Variants in EEPD1 observed in about 807,000 individuals in gnomAD.
EEPD1 encodes the protein endonuclease/exonuclease/phosphatase family domain-containing protein 1.
Under a neutral mutation model 46.3 loss-of-function variants are expected in EEPD1, and 17 were observed. The observed-to-expected ratio is 0.37, with a 90% confidence interval of 0.25 to 0.55. The LOEUF (loss-of-function observed/expected upper bound fraction) is 0.55. Among genes scored for constraint, EEPD1 ranks in the 20% least tolerant of loss-of-function variants. EEPD1 has a pLI of 0.83. For synonymous variants in EEPD1, 313 were observed against 315.6 expected (o/e 0.99, Z 0.09); for missense variants, 673 against 745.6 (o/e 0.90, Z 1.13).
At chr7:36,237,964 A>G (rs1237050907) in intron 2 of EEPD1, among the ~76,000 whole-genome samples, 3 of 152,136 alleles carry the variant, frequency 2.0e-5, no homozygotes, top group Admixed American at 1.3e-4. Flanking sequence ...AAGAAAAAAG[A>G]ATGGCTAGGT....
intron 3 of EEPD1, among the ~76,000 whole-genome samples, chr7:36,272,990 C>T (rs536719145): frequency 2.4e-4 from 37 of 152,306 alleles, no homozygotes; most frequent in Middle Eastern, 3.4e-3. Context: ...GAAAGTTGAC[C>T]GATGTACTGA....
At position 36,271,798 on chromosome 7, in the gene EEPD1, C is replaced by CCTATTCTATTCTATT. The variant is rs60205065; in HGVS notation, c.931-9246_931-9232dup. Among the ~76,000 whole-genome samples the CCTATTCTATTCTATT allele has an allele frequency of 1.6e-3, 210 of 132,422 alleles. 4 individuals carry two copies. The highest frequency in any genetic ancestry group is 3.9e-3 in the African/African-American group (129 of 32,880). The allele number at this position is 132,422 out of a possible 152,430, so 86.9% of individuals were successfully genotyped here. A position where few individuals can be genotyped will look rare whatever the true frequency, so the allele number is the denominator to read the frequency against. On this transcript the variant is annotated intron_variant, in intron 3 of 7. Transcript: ENST00000242108. Reference sequence around the variant, plus strand: ...TATAAGCTGTAAGGAACATAAGCCTCCTATTCTATTCTATTCTATTCTATT... The same window carrying CCTATTCTATTCTATT: ...TATAAGCTGTAAGGAACATAAGCCTCCTATTCTATTCTATTCTATTCTATTCTATTCTATTCTATT...
chr7:36,286,446 C>T (rs563469874), intron 5 of EEPD1, among the ~76,000 whole-genome samples: 5 of 152,210 alleles, frequency 3.3e-5, no homozygotes, highest in Non-Finnish European at 7.3e-5. Context: ...CCCCTATACC[C>T]CTTCCCTTCC....
In EEPD1 at chr7:36,270,918, C is replaced by G. The variant is rs1204115295; in HGVS notation, c.931-10197C>G. Among the ~76,000 whole-genome samples, 3 of 152,186 alleles carry G rather than the reference C, an allele frequency of 2.0e-5. No individual in the cohort carries two copies. In the South Asian group the frequency reaches 6.2e-4, roughly 32 times the overall value. On this transcript the variant is annotated intron_variant, in intron 3 of 7. Transcript: ENST00000242108. The stretch of plus-strand genomic sequence containing the variant: ...ATGGTTGAACTAATTTACACTCCCA[C>G]CAAGTGTAAAAGCGTTCCTATTTCT...
intron 2 of EEPD1, among the ~76,000 whole-genome samples, chr7:36,210,853 A>G (rs1181255553): frequency 6.6e-6 from 1 of 151,982 alleles, no homozygotes; most frequent in East Asian, 1.9e-4. Flanking sequence ...TGTTCCTGTC[A>G]TTTCTTCTCC....
At chr7:36,163,518 C>T (rs1214795482) in intron 2 of EEPD1, among the ~76,000 whole-genome samples, 2 of 152,064 alleles carry the variant, frequency 1.3e-5, no homozygotes, top group Non-Finnish European at 2.9e-5. Context: ...TTACTGCTTT[C>T]AGAGGGTGGA....
chr7:36,197,468 G>C (rs1785625510), intron 2 of EEPD1, among the ~76,000 whole-genome samples: 1 of 152,246 alleles, frequency 6.6e-6, no homozygotes, highest in South Asian at 2.1e-4. Flanking sequence ...TTGTGGAATA[G>C]AAAAGGGGGC....
intron 2 of EEPD1, among the ~76,000 whole-genome samples, chr7:36,161,682 GA>G (rs1253220499): frequency 6.6e-6 from 1 of 152,102 alleles, no homozygotes; most frequent in Admixed American, 6.5e-5. Context: ...TTATAAGCAG[GA>G]AGGTGTGTGT....
At chr7:36,160,676 T>TGGGGGGGG (rs150571892) in intron 2 of EEPD1, among the ~76,000 whole-genome samples, 3 of 36,456 alleles carry the variant, frequency 8.2e-5, no homozygotes, top group Non-Finnish European at 1.3e-4. Context: ...TGGGAGGTGG[T>TGGGGGGGG]GGGGGGCGGG....
intron 3 of EEPD1, 82 bp downstream of exon 3, chr7:36,239,118 A>G: frequency 2.2e-6 from 3 of 1,339,886 alleles, no homozygotes; most frequent in Non-Finnish European, 2.1e-6. Flanking sequence ...CCCTGTCACC[A>G]GAGACAGCCC....
chr7:36,192,974 G>A (rs972858730), intron 2 of EEPD1, among the ~76,000 whole-genome samples: 1 of 152,238 alleles, frequency 6.6e-6, no homozygotes, highest in Non-Finnish European at 1.5e-5. Context: ...CCTGGGTGGG[G>A]CTTGGTCACT....
chr7:36,203,434 C>T (rs959568832), intron 2 of EEPD1, among the ~76,000 whole-genome samples: 1 of 152,196 alleles, frequency 6.6e-6, no homozygotes, highest in African/African-American at 2.4e-5. Flanking sequence ...AAATTAACAC[C>T]TGCCCGGTTT....
chr7:36,222,146 A>G (rs1187684560), intron 2 of EEPD1, among the ~76,000 whole-genome samples: 1 of 152,144 alleles, frequency 6.6e-6, no homozygotes, highest in Admixed American at 6.5e-5. Flanking sequence ...CCAAAACATA[A>G]GTACTACCAG....
intron 2 of EEPD1, among the ~76,000 whole-genome samples, chr7:36,200,013 G>A (rs572815447): frequency 1.1e-4 from 16 of 152,172 alleles, no homozygotes; most frequent in South Asian, 8.3e-4. Context: ...ACATGTGCAG[G>A]TTTGTTATAT....
intron 3 of EEPD1, among the ~76,000 whole-genome samples, chr7:36,248,316 C>G (rs1225707950): frequency 6.6e-6 from 1 of 151,536 alleles, no homozygotes; most frequent in African/African-American, 2.4e-5. Context: ...GCGATTTTAC[C>G]CCCCTCAGCC....
intron 5 of EEPD1, 53 bp downstream of exon 5, chr7:36,284,873 A>C: frequency 1.4e-6 from 2 of 1,434,620 alleles, no homozygotes; most frequent in Non-Finnish European, 1.8e-6. Context: ...CTAAAAAGGA[A>C]AGAAAAGGGC....
chr7:36,221,797 G>T (rs962439853), intron 2 of EEPD1, among the ~76,000 whole-genome samples: 11 of 152,108 alleles, frequency 7.2e-5, no homozygotes, highest in Non-Finnish European at 1.5e-4. Flanking sequence ...GCAATATATT[G>T]TAATAAATGC....
chr7:36,236,671 A>G (rs750765940), intron 2 of EEPD1, among the ~76,000 whole-genome samples: 22 of 152,222 alleles, frequency 1.4e-4, no homozygotes, highest in Non-Finnish European at 2.6e-4. Context: ...AAACGCACCA[A>G]TCAGCGCTCT....
At chr7:36,256,296 T>C (rs2115820491) in intron 3 of EEPD1, among the ~76,000 whole-genome samples, 1 of 152,348 alleles carries the variant, frequency 6.6e-6, no homozygotes, top group Admixed American at 6.5e-5. Context: ...ATGTATATTC[T>C]ATTGATTTGG....
Sources: allele counts gnomAD v4.1 joint callset (sites outside exome capture counted in the v4.1 genomes callset), GRCh38; gene constraint gnomAD v4.1.1; transcripts MANE v1.5; gene names NCBI Gene and HGNC (gene_info 2026-07-23, HGNC 2026-07-21).